The following ATL1 variants were observed in gnomAD, a reference collection of about 807,000 sequenced individuals.
The protein encoded by ATL1 is atlastin GTPase 1.
Under a neutral mutation model 75.5 loss-of-function variants are expected in ATL1, and 31 were observed. The observed-to-expected ratio is 0.41, with a 90% confidence interval of 0.31 to 0.55. The LOEUF is 0.55. Among genes scored for constraint, ATL1 ranks in the 20% least tolerant of loss-of-function variants. The probability of loss-of-function intolerance (pLI) is 0.27; values close to 1 mark genes in which losing one functional copy is unlikely to be tolerated. For synonymous variants in ATL1, 226 were observed against 233.3 expected, an observed-to-expected ratio of 0.97 and a Z score of 0.28; for missense variants, 405 against 662.6, an observed-to-expected ratio of 0.61 and a Z score of 4.27.
chr14:50,599,329 C>T (rs1413123285), intron 6 of ATL1, among the ~76,000 whole-genome samples: 2 of 152,108 alleles, frequency 1.3e-5, no homozygotes, highest in Non-Finnish European at 2.9e-5. Flanking sequence ...TGTCAAGTCT[C>T]ACTGATAATT....
chr14:50,563,220 T>G (rs2038868762), intron 1 of ATL1, among the ~76,000 whole-genome samples: 1 of 152,234 alleles, frequency 6.6e-6, no homozygotes, highest in African/African-American at 2.4e-5. Context: ...ATGAAAAAAC[T>G]AACTCAGAGG....
intron 1 of ATL1, among the ~76,000 whole-genome samples, chr14:50,552,342 A>G (rs1487555862): frequency 2.0e-5 from 3 of 152,258 alleles, no homozygotes; most frequent in Admixed American, 6.5e-5. Context: ...AAGGAAAATT[A>G]CAAAACACTG....
At chr14:50,540,592 A>G (rs2140144789) in intron 1 of ATL1, among the ~76,000 whole-genome samples, 1 of 152,322 alleles carries the variant, frequency 6.6e-6, no homozygotes, top group East Asian at 1.9e-4. Flanking sequence ...GTTAATTGAT[A>G]TTAGCTCTAA....
At chr14:50,586,774 T>A (rs1473724582) in intron 1 of ATL1, among the ~76,000 whole-genome samples, 2 of 152,154 alleles carry the variant, frequency 1.3e-5, no homozygotes, top group African/African-American at 2.4e-5. Flanking sequence ...CTAATCCCAG[T>A]TTGGCAGTTA....
At chr14:50,566,521 T>C (rs1401086261) in intron 1 of ATL1, among the ~76,000 whole-genome samples, 1 of 152,200 alleles carries the variant, frequency 6.6e-6, no homozygotes, top group Non-Finnish European at 1.5e-5. Flanking sequence ...CCATAGTTGG[T>C]AATATGATAG....
At chr14:50,552,447 C>T (rs540468646) in intron 1 of ATL1, among the ~76,000 whole-genome samples, 2 of 152,154 alleles carry the variant, frequency 1.3e-5, no homozygotes, top group Admixed American at 1.3e-4. Flanking sequence ...CTGCCAAAAG[C>T]AATATACAGA....
intron 8 of ATL1, among the ~76,000 whole-genome samples, chr14:50,615,065 A>C (rs1002751339): frequency 3.3e-5 from 5 of 152,194 alleles, no homozygotes; most frequent in African/African-American, 1.2e-4. Flanking sequence ...TATGTCTTTA[A>C]TAGAGGACTG....
intron 1 of ATL1, among the ~76,000 whole-genome samples, chr14:50,576,825 C>T (rs189180386): frequency 2.0e-5 from 3 of 152,280 alleles, no homozygotes; most frequent in Admixed American, 6.5e-5. Flanking sequence ...GATCCTCCTG[C>T]CTCACCTTCC....
intron 1 of ATL1, among the ~76,000 whole-genome samples, chr14:50,553,957 G>A (rs1184253569): frequency 6.6e-6 from 1 of 152,100 alleles, no homozygotes; most frequent in Non-Finnish European, 1.5e-5. Context: ...CGGGCAAAGG[G>A]TCGGGAGGGT....
chr14:50,617,605 T>A (rs948244382), intron 8 of ATL1, among the ~76,000 whole-genome samples: 1 of 152,244 alleles, frequency 6.6e-6, no homozygotes, highest in South Asian at 2.1e-4. Context: ...GGAGTTCTTA[T>A]AAAGCATACA....
chr14:50,591,353 C>G (rs147622054), intron 3 of ATL1, among the ~76,000 whole-genome samples, 182 bp from the exon 4 acceptor site: 32 of 152,260 alleles, frequency 2.1e-4, no homozygotes, highest in African/African-American at 7.5e-4. Context: ...GTAAAAATTA[C>G]TTATAATAGT....
chr14:50,613,861 A>G (rs1289004255), intron 7 of ATL1, among the ~76,000 whole-genome samples: 2 of 152,204 alleles, frequency 1.3e-5, no homozygotes, highest in Non-Finnish European at 2.9e-5. Context: ...GTTTGTCTGT[A>G]TTAAAAACTA....
At chr14:50,599,337 A>G (rs528502618) in intron 6 of ATL1, among the ~76,000 whole-genome samples, 2 of 152,338 alleles carry the variant, frequency 1.3e-5, no homozygotes, top group Admixed American at 1.3e-4. Flanking sequence ...CTCACTGATA[A>G]TTAGATAAAT....
chr14:50,564,419 G>A (rs1423714440), intron 1 of ATL1, among the ~76,000 whole-genome samples: 1 of 152,010 alleles, frequency 6.6e-6, no homozygotes, highest in African/African-American at 2.4e-5. Context: ...GGAAGCTAAG[G>A]CGGGCAGATC....
intron 1 of ATL1, among the ~76,000 whole-genome samples, chr14:50,566,707 T>C: frequency 6.6e-6 from 1 of 152,314 alleles, no homozygotes; most frequent in South Asian, 2.1e-4. Context: ...TACATATTTT[T>C]TATATAAGTC....
chr14:50,582,554 C>T (rs1354773889), intron 1 of ATL1, among the ~76,000 whole-genome samples: 1 of 149,284 alleles, frequency 6.7e-6, no homozygotes, highest in Non-Finnish European at 1.5e-5. Flanking sequence ...GGACTACAGG[C>T]ACGCACCACC....
intron 11 of ATL1, among the ~76,000 whole-genome samples, chr14:50,624,573 T>C (rs1230253848): frequency 1.3e-5 from 2 of 151,978 alleles, no homozygotes; most frequent in Non-Finnish European, 2.9e-5. Flanking sequence ...ATATTGAAAA[T>C]AGGCCAATTA....
At chr14:50,565,854 A>G (rs1219343096) in intron 1 of ATL1, among the ~76,000 whole-genome samples, 3 of 152,208 alleles carry the variant, frequency 2.0e-5, no homozygotes, top group Admixed American at 6.5e-5. Flanking sequence ...TGAAACATAT[A>G]TGTATACAAA....
intron 13 of ATL1, 62 bp downstream of exon 13, chr14:50,630,071 A>G: frequency 7.9e-7 from 1 of 1,267,322 alleles, no homozygotes; most frequent in Non-Finnish European, 1.1e-6. Flanking sequence ...ATTATTTTAT[A>G]AACTGACTAA....
Sources: gnomAD v4.1 joint callset for allele counts (sites outside exome capture counted in the v4.1 genomes callset) on GRCh38, gnomAD v4.1.1 for gene constraint, MANE v1.5 for transcripts, NCBI Gene and HGNC (gene_info 2026-07-23, HGNC 2026-07-21) for gene names.